ANKRD6: variants seen among roughly 807,000 people sequenced by gnomAD.
The protein encoded by ANKRD6 is ankyrin repeat domain-containing protein 6.
A neutral mutation model predicts 82.3 loss-of-function variants in ANKRD6; 56 were observed. The ratio of observed to expected loss-of-function variants is 0.68; its 90% CI spans 0.55 to 0.85. The LOEUF is 0.85. ANKRD6 is among the 40% of genes least tolerant of loss of function. The probability of loss-of-function intolerance (pLI) is 0.00; values close to 1 mark genes in which losing one functional copy is unlikely to be tolerated. For synonymous variants in ANKRD6, 347 were observed against 352.1 expected, an observed-to-expected ratio of 0.99 and a Z score of 0.16; for missense variants, 852 against 907.6, an observed-to-expected ratio of 0.94 and a Z score of 0.79.
intron 1 of ANKRD6, among the ~76,000 whole-genome samples, chr6:89,442,171 T>G (rs1222103662): frequency 6.6e-6 from 1 of 152,014 alleles, no homozygotes; most frequent in Non-Finnish European, 1.5e-5. Context: ...AATTTTTGTA[T>G]TTTTAGTAGA....
intron 2 of ANKRD6, among the ~76,000 whole-genome samples, chr6:89,589,651 TG>T (rs1177595116): frequency 1.1e-4 from 16 of 152,300 alleles, no homozygotes; most frequent in African/African-American, 3.6e-4. Flanking sequence ...TGTGATCACT[TG>T]TTCATGTAAT....
At chr6:89,625,651 T>C (rs1805389531) in intron 13 of ANKRD6, among the ~76,000 whole-genome samples, 1 of 152,052 alleles carries the variant, frequency 6.6e-6, no homozygotes, top group Non-Finnish European at 1.5e-5. Flanking sequence ...TTCAACTTCA[T>C]AACAATATTG....
chr6:89,535,493 C>T (rs566075655), intron 1 of ANKRD6, among the ~76,000 whole-genome samples: 19 of 152,274 alleles, frequency 1.2e-4, no homozygotes, highest in Non-Finnish European at 2.6e-4. Context: ...TTTGGATTCG[C>T]CAATAAATAT....
rs149730219 is a variant in ANKRD6, at chr6:89,599,266, A to G, written c.219+3252A>G. Among the ~76,000 whole-genome samples the G allele has an allele frequency of 6.8e-4, 103 of 152,250 alleles. 1 individual carries two copies. The highest frequency in any genetic ancestry group is 2.4e-3 in the African/African-American group (99 of 41,554). On this transcript the variant is annotated intron_variant, in intron 3 of 15. Coordinates refer to ENST00000339746, the MANE Select transcript of ANKRD6 (RefSeq NM_001242809.2). ...CAAATGCCTGTGGTCCCAGCTACTC[A>G]GGAGGCTGAAGTGGGAAGATTGATT...
At chr6:89,499,417 T>C (rs1779018601) in intron 1 of ANKRD6, among the ~76,000 whole-genome samples, 1 of 152,184 alleles carries the variant, frequency 6.6e-6, no homozygotes, top group African/African-American at 2.4e-5. Context: ...GTTTGTCACC[T>C]TTTTGCCACC....
chr6:89,614,836 A>AG (rs1050960764), intron 7 of ANKRD6, among the ~76,000 whole-genome samples: 2 of 65,204 alleles, frequency 3.1e-5, no homozygotes, highest in East Asian at 1.2e-3. Flanking sequence ...GTCTCTTTAA[A>AG]GGAAAAAAAA....
At chr6:89,476,512 T>G (rs914008031) in intron 1 of ANKRD6, among the ~76,000 whole-genome samples, 1 of 152,232 alleles carries the variant, frequency 6.6e-6, no homozygotes, top group East Asian at 1.9e-4. Flanking sequence ...CAAAACTGTC[T>G]TATAAGCTGT....
At chr6:89,558,099 C>G (rs1415154295) in intron 1 of ANKRD6, among the ~76,000 whole-genome samples, 1 of 152,134 alleles carries the variant, frequency 6.6e-6, no homozygotes, top group East Asian at 1.9e-4. Context: ...AAACTGTCTT[C>G]CATTAAACTG....
chr6:89,545,111 G>C (rs923539095), intron 1 of ANKRD6, among the ~76,000 whole-genome samples: 3 of 151,532 alleles, frequency 2.0e-5, no homozygotes, highest in African/African-American at 7.3e-5. Context: ...TACTTGGGAG[G>C]CTGAGGCAGG....
chr6:89,472,600 A>T (rs1775606188), intron 1 of ANKRD6, among the ~76,000 whole-genome samples: 1 of 152,172 alleles, frequency 6.6e-6, no homozygotes. Context: ...CACTAGCCTG[A>T]GTTATGGAAC....
Position 89,630,527 on chromosome 6 carries a change from T to A in ANKRD6, c.1707T>A (p.Thr569=). 6.2e-7 allele frequency: 1 copy of A among 1,613,974 alleles called. No homozygotes were observed. The change falls in exon 16 of 16, where the codon ACT becomes ACA. Residue 569 remains threonine, a synonymous_variant. Transcript: ENST00000339746. The part of the protein sequence containing the change: ...VRPKEKALNS[T]ATQRLQQELS... ...CCAAAGAGAAGGCCCTCAACTCCAC[T>A]GCTACCCAGAGACTCCAGCAGGAGC...
At chr6:89,531,569 A>G (rs1040615008) in intron 1 of ANKRD6, among the ~76,000 whole-genome samples, 6 of 152,242 alleles carry the variant, frequency 3.9e-5, no homozygotes, top group African/African-American at 9.6e-5. Context: ...TCATTGCCCC[A>G]TCCCTCCAGT....
intron 1 of ANKRD6, among the ~76,000 whole-genome samples, chr6:89,560,653 GTC>G (rs921780128): frequency 2.0e-5 from 3 of 152,032 alleles, no homozygotes; most frequent in African/African-American, 7.2e-5. Flanking sequence ...GTGAAACCCC[GTC>G]TCTGCTAAAA....
chr6:89,624,648 T>C lies in ANKRD6; in HGVS notation c.1328T>C (p.Met443Thr), dbSNP rs771132647. The change falls in exon 13 of 16, where the codon ATG becomes ACG. Residue 443 changes from methionine (M) to threonine (T), a missense_variant. Transcript: ENST00000339746. ...GAGCTGGGATCGGTTCAGGACAAAA[T>C]GAATACAAAGCTGGGGCAGATGGAG... The part of the protein sequence containing the change: ...KAELGSVQDK[M>T]NTKLGQMENK... 1 of 1,595,832 alleles carries C rather than the reference T, an allele frequency of 6.3e-7. No homozygotes were observed. The highest frequency in any genetic ancestry group is 8.5e-7 in the Non-Finnish European group (1 of 1,170,884).
intron 2 of ANKRD6, among the ~76,000 whole-genome samples, chr6:89,580,612 C>A (rs1473603644): frequency 6.6e-6 from 1 of 151,852 alleles, no homozygotes; most frequent in East Asian, 1.9e-4. Flanking sequence ...CGCTGGGCTT[C>A]CTGCTCTGAA....
chr6:89,444,153 T>G (rs149252501), intron 1 of ANKRD6, among the ~76,000 whole-genome samples: 2 of 152,368 alleles, frequency 1.3e-5, no homozygotes, highest in African/African-American at 2.4e-5. Flanking sequence ...CCAGGCACTT[T>G]AAGAACAAAT....
intron 1 of ANKRD6, among the ~76,000 whole-genome samples, chr6:89,522,253 T>C (rs1016467633): frequency 6.6e-6 from 1 of 152,222 alleles, no homozygotes; most frequent in Non-Finnish European, 1.5e-5. Context: ...CCCTGGCAGA[T>C]GCTTTATTGA....
intron 1 of ANKRD6, among the ~76,000 whole-genome samples, chr6:89,471,611 G>A (rs989110736): frequency 6.6e-6 from 1 of 151,654 alleles, no homozygotes; most frequent in South Asian, 2.1e-4. Context: ...GTGTTTATCT[G>A]TGTGTTAGTG....
intron 8 of ANKRD6, 163 bp downstream of exon 8, chr6:89,616,820 T>TCC: frequency 2.7e-6 from 2 of 751,798 alleles, no homozygotes; most frequent in African/African-American, 1.7e-5. Context: ...ACTTGAAGGG[T>TCC]ACCCCTGCTC....
Sources: gnomAD v4.1 joint callset for allele counts (sites outside exome capture counted in the v4.1 genomes callset) on GRCh38, gnomAD v4.1.1 for gene constraint, MANE v1.5 for transcripts, NCBI Gene and HGNC (gene_info 2026-07-23, HGNC 2026-07-21) for gene names.